The following SGK3 variants were observed in gnomAD, a reference collection of about 807,000 sequenced individuals.
SGK3 encodes the protein serine/threonine-protein kinase Sgk3.
A neutral mutation model predicts 68.5 loss-of-function variants in SGK3; 47 were observed. The observed-to-expected ratio is 0.69, with a 90% CI of 0.54 to 0.87. SGK3 has a LOEUF of 0.87. Ranked by LOEUF, SGK3 falls within the 40% of genes least tolerant of loss-of-function variation. The pLI is 0.00. For missense variants in SGK3, 479 were observed against 575.5 expected (o/e 0.83, Z 1.72); for synonymous variants, 181 against 189.1 (o/e 0.96, Z 0.35).
intron 1 of SGK3, among the ~76,000 whole-genome samples, chr8:66,769,863 C>A (rs922462105): frequency 6.6e-6 from 1 of 152,140 alleles, no homozygotes; most frequent in African/African-American, 2.4e-5. Context: ...GCCACCAAGA[C>A]CTGCCTACAT....
intron 6 of SGK3, among the ~76,000 whole-genome samples, chr8:66,826,706 G>A (rs771823848): frequency 6.6e-6 from 1 of 151,702 alleles, no homozygotes; most frequent in African/African-American, 2.4e-5. Context: ...ATGCAGTGCC[G>A]CTATCTCAGC....
At chr8:66,854,674 T>C (rs1466342135) in intron 16 of SGK3, among the ~76,000 whole-genome samples, 1 of 151,714 alleles carries the variant, frequency 6.6e-6, no homozygotes, top group East Asian at 1.9e-4. Context: ...AATACAGGGG[T>C]CCAGAAAGGA....
chr8:66,729,751 A>T (rs1348114867), intron 1 of SGK3, among the ~76,000 whole-genome samples: 1 of 151,214 alleles, frequency 6.6e-6, no homozygotes, highest in Non-Finnish European at 1.5e-5. Context: ...TTATTTATTT[A>T]TTTATTTATT....
intron 1 of SGK3, chr8:66,775,773 G>C (rs1359983947): frequency 2.6e-5 from 4 of 152,188 alleles, no homozygotes; most frequent in African/African-American, 9.7e-5. Flanking sequence ...AGTAGAAACG[G>C]GACTGTTACT....
chr8:66,796,321 A>AATT (rs1807686267), intron 2 of SGK3, among the ~76,000 whole-genome samples: 2 of 41,362 alleles, frequency 4.8e-5, no homozygotes, highest in African/African-American at 1.6e-4. Flanking sequence ...TATTTTTTGT[A>AATT]TTTTTTTTTT....
intron 13 of SGK3, among the ~76,000 whole-genome samples, chr8:66,843,248 A>G (rs922705975): frequency 2.6e-5 from 4 of 152,232 alleles, no homozygotes; most frequent in Admixed American, 6.5e-5. Flanking sequence ...GGAGAAATGC[A>G]GAATACATGT....
chr8:66,797,408 A>G (rs975491539), intron 2 of SGK3, among the ~76,000 whole-genome samples: 2 of 152,158 alleles, frequency 1.3e-5, no homozygotes, highest in African/African-American at 4.8e-5. Flanking sequence ...GGAGGTATCA[A>G]ATTAATTCTA....
chr8:66,765,762 G>A (rs568173199), intron 1 of SGK3, among the ~76,000 whole-genome samples: 87 of 152,090 alleles, frequency 5.7e-4, no homozygotes, highest in African/African-American at 2.0e-3. Context: ...GGTGGCTCAC[G>A]CCTGTAATCC....
At chr8:66,850,234 C>T (rs1810217021) in intron 15 of SGK3, among the ~76,000 whole-genome samples, 1 of 152,198 alleles carries the variant, frequency 6.6e-6, no homozygotes, top group Non-Finnish European at 1.5e-5. Context: ...ATACCACTTT[C>T]TCTAAGAAGT....
intron 1 of SGK3, among the ~76,000 whole-genome samples, chr8:66,735,108 G>A (rs575554758): frequency 5.3e-5 from 8 of 152,036 alleles, no homozygotes; most frequent in Non-Finnish European, 8.8e-5. Context: ...TTTATCCATA[G>A]GTATGTATAT....
chr8:66,834,872 G>A (rs1227971163), intron 8 of SGK3, among the ~76,000 whole-genome samples: 2 of 151,146 alleles, frequency 1.3e-5, no homozygotes, highest in Non-Finnish European at 2.9e-5. Flanking sequence ...CCCGGGAGGC[G>A]GAGCTTGCAG....
chr8:66,847,450 C>T lies in SGK3; in HGVS notation c.1230+102C>T, dbSNP rs140317612. On this transcript the variant is annotated intron_variant, in intron 15 of 16. Coordinates refer to ENST00000521198, the MANE Select transcript of SGK3 (RefSeq NM_001033578.3). ...TATTTAATGGAATGAATACAATATG[C>T]GGAGAATAGCAACATGGAAAAAAAG... 1,185 of 1,469,734 alleles carry T rather than the reference C, an allele frequency of 8.1e-4. 12 individuals are homozygous for T. In the African/African-American group the frequency reaches 0.016, roughly 19 times the overall value. The allele number at this position is 1,469,734 out of a possible 1,614,324, so 91.0% of individuals were successfully genotyped here.
At chr8:66,741,630 A>G (rs1357314398) in intron 1 of SGK3, among the ~76,000 whole-genome samples, 1 of 151,108 alleles carries the variant, frequency 6.6e-6, no homozygotes, top group Non-Finnish European at 1.5e-5. Flanking sequence ...AGTTTGGGAG[A>G]CCGAAGCAGG....
intron 1 of SGK3, among the ~76,000 whole-genome samples, chr8:66,728,679 G>A (rs1805050064): frequency 6.6e-6 from 1 of 152,220 alleles, no homozygotes; most frequent in South Asian, 2.1e-4. Context: ...AAGGTGGGAG[G>A]ATTGCTTGAG....
In SGK3 at chr8:66,765,807, T is replaced by C. The variant is rs182996309; in HGVS notation, c.-121-27809T>C. On this transcript the variant is annotated intron_variant, in intron 1 of 16. Transcript: ENST00000521198. ...GGGAGGCCGAGGTGGGTGGATCACC[T>C]GAGGTCAGGAGTTTGAGACCAGCCT... 2.9e-3 allele frequency among the ~76,000 whole-genome samples: 449 copies of C among 152,218 alleles called. 4 individuals are homozygous for C. The highest frequency in any genetic ancestry group is 4.3e-3 in the Non-Finnish European group (292 of 67,994).
Position 66,745,820 on chromosome 8 carries a change from A to G in SGK3, c.-122+32987A>G, listed in dbSNP as rs79753168. Among the ~76,000 whole-genome samples the G allele has an allele frequency of 4.0e-3, 610 of 152,284 alleles. 3 individuals carry two copies. The highest frequency in any genetic ancestry group is 0.014 in the African/African-American group (564 of 41,546). On this transcript the variant is annotated intron_variant, in intron 1 of 16. Transcript: ENST00000521198. ...TGCCACTCTGAATGCTGCATTCTCC[A>G]GAAGGGAAGAATACTGTGTCCTCAT...
intron 1 of SGK3, among the ~76,000 whole-genome samples, chr8:66,730,039 G>A (rs966442081): frequency 1.3e-5 from 2 of 152,076 alleles, no homozygotes; most frequent in East Asian, 1.9e-4. Context: ...AGCACTTTGC[G>A]TGAGCCACCG....
At chr8:66,726,824 GA>G (rs1554591750) in intron 1 of SGK3, among the ~76,000 whole-genome samples, 8 of 113,504 alleles carry the variant, frequency 7.0e-5, no homozygotes, top group Non-Finnish European at 6.9e-5. Flanking sequence ...AAAAAAAAAA[GA>G]TTTAAAAGCT....
chr8:66,726,760 T>G (rs994332674), intron 1 of SGK3, among the ~76,000 whole-genome samples: 1 of 142,382 alleles, frequency 7.0e-6, no homozygotes, highest in Non-Finnish European at 1.5e-5. Flanking sequence ...ATGATTGCTC[T>G]GCTGCACTCC....
Sources: allele counts gnomAD v4.1 joint callset (sites outside exome capture counted in the v4.1 genomes callset), GRCh38; gene constraint gnomAD v4.1.1; transcripts MANE v1.5; gene names NCBI Gene and HGNC (gene_info 2026-07-23, HGNC 2026-07-21).